Variants in ZFP2 observed in about 807,000 individuals in gnomAD.
ZFP2 encodes zinc finger protein ZFP2.
Under a neutral mutation model 36.1 loss-of-function variants are expected in ZFP2, and 33 were observed. That is an observed-to-expected ratio of 0.92 (90% CI 0.69 to 1.22). The LOEUF (loss-of-function observed/expected upper bound fraction) is 1.22. ZFP2 is among the 50% of genes most tolerant of loss of function. The pLI is 0.00. For synonymous variants in ZFP2, 170 were observed against 178.0 expected (o/e 0.96, Z 0.36); for missense variants, 522 against 551.4 (o/e 0.95, Z 0.53).
intron 1 of ZFP2, among the ~76,000 whole-genome samples, chr5:178,902,475 T>C (rs1053122264): frequency 1.3e-5 from 2 of 152,236 alleles, no homozygotes; most frequent in African/African-American, 2.4e-5. Context: ...TCGTATCTCC[T>C]TGGTCTCCTT....
chr5:178,926,785 T>G (rs904177848), intron 4 of ZFP2, among the ~76,000 whole-genome samples: 1 of 152,156 alleles, frequency 6.6e-6, no homozygotes, highest in African/African-American at 2.4e-5. Flanking sequence ...CCCAGAGTTC[T>G]GGGATTACAG....
At chr5:178,916,880 A>G (rs1758442417) in intron 4 of ZFP2, among the ~76,000 whole-genome samples, 170 bp downstream of exon 4, 1 of 152,198 alleles carries the variant, frequency 6.6e-6, no homozygotes, top group Non-Finnish European at 1.5e-5. Flanking sequence ...TAGTATATTT[A>G]GTAAAACTAG....
intron 1 of ZFP2, chr5:178,909,863 A>C: frequency 3.2e-6 from 5 of 1,581,962 alleles, no homozygotes; most frequent in Non-Finnish European, 4.3e-6. Context: ...GGTCAGGGCC[A>C]ATCACCTGAG....
chr5:178,931,804 G>C lies in ZFP2; in HGVS notation c.491G>C (p.Gly164Ala). 6.2e-7 allele frequency: 1 copy of C among 1,614,054 alleles called. No homozygotes were observed. The highest frequency in any genetic ancestry group is 8.5e-7 in the Non-Finnish European group (1 of 1,180,008). The change falls in exon 5 of 5, where the codon GGG (glycine) becomes GCG (alanine). Residue 164 changes from glycine to alanine, a missense_variant. Coordinates refer to ENST00000361362, the MANE Select transcript of ZFP2 (RefSeq NM_030613.4). ...AAACCCTATAAATGTAATGAATGTG[G>C]GAAAGCCTTTAGTCAGAGCATGAAT... ...GEKPYKCNEC[G>A]KAFSQSMNLT...
chr5:178,905,027 T>G (rs1293732305), intron 1 of ZFP2, among the ~76,000 whole-genome samples: 1 of 152,114 alleles, frequency 6.6e-6, no homozygotes, highest in Admixed American at 6.6e-5. Flanking sequence ...AAAGCAACTC[T>G]TCCCTCATTT....
intron 4 of ZFP2, among the ~76,000 whole-genome samples, chr5:178,918,456 C>T (rs1414882777): frequency 6.6e-6 from 1 of 152,158 alleles, no homozygotes; most frequent in Non-Finnish European, 1.5e-5. Flanking sequence ...GACCTGCTTG[C>T]TGCCCAGTCC....
At chr5:178,925,164 TATATAC>T (rs947661425) in intron 4 of ZFP2, among the ~76,000 whole-genome samples, 7 of 143,476 alleles carry the variant, frequency 4.9e-5, no homozygotes, top group African/African-American at 1.6e-4. Flanking sequence ...TATATACACA[TATATAC>T]ATATACATAT....
intron 4 of ZFP2, among the ~76,000 whole-genome samples, chr5:178,919,819 G>C (rs887538124): frequency 1.3e-5 from 2 of 152,048 alleles, no homozygotes; most frequent in African/African-American, 4.8e-5. Context: ...AAACTACCTG[G>C]GTGTGGTAGT....
intron 1 of ZFP2, among the ~76,000 whole-genome samples, chr5:178,899,071 G>A (rs1170895506): frequency 2.0e-5 from 3 of 152,130 alleles, no homozygotes; most frequent in Non-Finnish European, 2.9e-5. Context: ...GATCAGGGTG[G>A]TGGCCAGGAG....
chr5:178,901,325 C>T (rs891323433), intron 1 of ZFP2, among the ~76,000 whole-genome samples: 1 of 152,208 alleles, frequency 6.6e-6, no homozygotes, highest in African/African-American at 2.4e-5. Context: ...GTATCCATTT[C>T]CAAGAGCTGC....
chr5:178,930,166 C>G (rs1343585281), intron 4 of ZFP2, among the ~76,000 whole-genome samples: 1 of 151,872 alleles, frequency 6.6e-6, no homozygotes, highest in Non-Finnish European at 1.5e-5. Flanking sequence ...TAAGGCCCCA[C>G]CTCCAACACT....
chr5:178,916,969 A>G (rs1354961652), intron 4 of ZFP2, among the ~76,000 whole-genome samples: 1 of 152,200 alleles, frequency 6.6e-6, no homozygotes, highest in Non-Finnish European at 1.5e-5. Context: ...AGTTGAAAGC[A>G]TTGTTAGATT....
chr5:178,925,126 TACACACACAC>T (rs70997651), intron 4 of ZFP2, among the ~76,000 whole-genome samples: 26,682 of 133,564 alleles, frequency 0.2, 4,850 homozygotes, highest in Non-Finnish European at 0.28. Context: ...TATATATATA[TACACACACAC>T]ACACACACAC....
chr5:178,904,993 G>C (rs913941166), intron 1 of ZFP2, among the ~76,000 whole-genome samples: 1 of 152,010 alleles, frequency 6.6e-6, no homozygotes, highest in African/African-American at 2.4e-5. Flanking sequence ...GAGCCACTGC[G>C]CCCGGCCCAT....
chr5:178,908,122 C>T (rs1758202983), intron 1 of ZFP2, among the ~76,000 whole-genome samples: 1 of 152,158 alleles, frequency 6.6e-6, no homozygotes, highest in African/African-American at 2.4e-5. Flanking sequence ...ATTAAGTTAA[C>T]ACTCCTATTC....
At position 178,931,780 on chromosome 5, in the gene ZFP2, A is replaced by AACCCT; in HGVS notation, c.469_473dup (p.Lys159ProfsTer15). On this transcript the variant is annotated frameshift_variant, in exon 5 of 5. Transcript: ENST00000361362. LOFTEE classifies it high-confidence loss of function. ...CATCAAAGAATTCATACTGGAGAGA[A>AACCCT]ACCCTATAAATGTAATGAATGTGGG... 1 of 1,614,130 alleles carries AACCCT rather than the reference A, an allele frequency of 6.2e-7. No homozygotes were observed. Among genetic ancestry groups the AACCCT allele is most frequent in the Non-Finnish European group, 8.5e-7 (1 of 1,180,010 alleles).
Position 178,931,853 on chromosome 5 carries a change from C to A in ZFP2, c.540C>A (p.His180Gln). Residue 180 changes from histidine to glutamine, a missense_variant, in exon 5 of 5, where the codon CAC becomes CAA. By Grantham distance (24) the His-to-Gln change is conservative. Coordinates refer to ENST00000361362, the MANE Select transcript of ZFP2 (RefSeq NM_030613.4). ...ATCTTACTGTCCATCAACGAACTCA[C>A]ACCGGAGAGAAACCCTATCAGTGTA... The part of the protein sequence containing the change: ...SMNLTVHQRT[H>Q]TGEKPYQCKE... 1 of 1,612,518 alleles carries A rather than the reference C, an allele frequency of 6.2e-7. No individual in the cohort carries two copies. Among genetic ancestry groups the A allele is most frequent in the African/African-American group, 1.3e-5 (1 of 74,978 alleles).
rs1445827026 is a variant in ZFP2 at position 178,931,435 on chromosome 5, C to T, written c.122C>T (p.Thr41Ile). The change falls in exon 5 of 5, where the codon ACT becomes ATT. Residue 41 changes from threonine to isoleucine, a missense_variant. By Grantham distance (89) the Thr-to-Ile change is moderately conservative (BLOSUM62 -1). Transcript: ENST00000361362. ...GGAGTTACCCATAAGGAAACCTTCA[C>T]TGAGATGAGAGTATGTGGAGGTAAT... ...QVGVTHKETF[T>I]EMRVCGGNEF... 2 of 1,613,982 alleles carry T rather than the reference C, an allele frequency of 1.2e-6. No homozygotes were observed. Among genetic ancestry groups the T allele is most frequent in the African/African-American group, 2.7e-5 (2 of 74,884 alleles).
intron 1 of ZFP2, among the ~76,000 whole-genome samples, 155 bp downstream of exon 1, chr5:178,896,129 T>G (rs559831843): frequency 6.6e-6 from 1 of 152,312 alleles, no homozygotes; most frequent in East Asian, 1.9e-4. Context: ...TCACTGCGCC[T>G]GTGGAGCGCC....
Sources: allele counts gnomAD v4.1 joint callset (sites outside exome capture counted in the v4.1 genomes callset), GRCh38; gene constraint gnomAD v4.1.1; transcripts MANE v1.5; gene names NCBI Gene and HGNC (gene_info 2026-07-23, HGNC 2026-07-21).